Variants in TTC17 observed in about 807,000 individuals in gnomAD.
TTC17 encodes tetratricopeptide repeat domain 17.
TTC17 carries 58 observed loss-of-function variants against 143.8 expected under a neutral mutation model. The ratio of observed to expected loss-of-function variants is 0.40; its 90% confidence interval spans 0.33 to 0.50. TTC17 has a LOEUF of 0.50. Among genes scored for constraint, TTC17 ranks in the 20% least tolerant of loss-of-function variants. The pLI, the probability that TTC17 is intolerant of heterozygous loss-of-function variation, is 0.49. For missense variants in TTC17, 1,273 were observed against 1,392.5 expected, an observed-to-expected ratio of 0.91 and a Z score of 1.37; for synonymous variants, 501 against 497.8, an observed-to-expected ratio of 1.01 and a Z score of -0.09.
rs545413100 is a variant in TTC17 at position 43,410,130 on chromosome 11, G to A, written c.2064+2553G>A. 6.5e-4 allele frequency among the ~76,000 whole-genome samples: 99 copies of A among 152,302 alleles called. 1 individual carries two copies. The highest frequency in any genetic ancestry group is 2.1e-3 in the African/African-American group (89 of 41,552). ...GACCTCCCAAAGTGCTGGGATTACA[G>A]GTGTGAGCCCTTATGCCCAACCTTG... On this transcript the variant is annotated intron_variant, in intron 15 of 23. Transcript: ENST00000039989.
At chr11:43,435,072 TAAGATG>T (rs1947255421) in intron 16 of TTC17, 1 of 145,732 alleles carries the variant, frequency 6.9e-6, no homozygotes, top group South Asian at 2.2e-4. Context: ...TACACACAGA[TAAGATG>T]ATAGATAGAT....
intron 9 of TTC17, among the ~76,000 whole-genome samples, chr11:43,400,326 T>C (rs1438902159): frequency 6.6e-6 from 1 of 151,982 alleles, no homozygotes; most frequent in Non-Finnish European, 1.5e-5. Context: ...TCAACATCAG[T>C]TTTTTTTCCT....
At chr11:43,407,110 T>C in intron 13 of TTC17, 28 bp from the exon 14 acceptor site, 2 of 1,468,568 alleles carry the variant, frequency 1.4e-6, no homozygotes, top group Non-Finnish European at 1.9e-6. Flanking sequence ...TATTTTCAAT[T>C]GAGTCAGTCT....
chr11:43,453,707 C>G (rs923813450), intron 21 of TTC17, among the ~76,000 whole-genome samples: 4 of 152,092 alleles, frequency 2.6e-5, no homozygotes, highest in Non-Finnish European at 5.9e-5. Context: ...AATAATGGCT[C>G]TAAGAGAGGC....
At chr11:43,421,994 G>T (rs763007810) in intron 16 of TTC17, among the ~76,000 whole-genome samples, 2 of 152,194 alleles carry the variant, frequency 1.3e-5, no homozygotes, top group Non-Finnish European at 2.9e-5. Flanking sequence ...GCTCTGTTGA[G>T]AATAGACTAG....
chr11:43,406,067 G>A, intron 13 of TTC17, 116 bp downstream of exon 13: 1 of 1,231,706 alleles, frequency 8.1e-7, no homozygotes, highest in Non-Finnish European at 1.1e-6. Context: ...TGTATAAAAT[G>A]GAAGGATAGA....
intron 2 of TTC17, among the ~76,000 whole-genome samples, chr11:43,382,583 C>T (rs1307287812): frequency 2.0e-5 from 3 of 152,130 alleles, no homozygotes; most frequent in East Asian, 3.8e-4. Context: ...TTTAAGTAGT[C>T]TTGCCAAAAA....
At chr11:43,444,477 T>C (rs1292050503) in intron 18 of TTC17, 2 of 246,316 alleles carry the variant, frequency 8.1e-6, no homozygotes, top group Non-Finnish European at 1.5e-5. Flanking sequence ...GCTCTTTCCA[T>C]GTGGAAAGAA....
intron 17 of TTC17, 105 bp downstream of exon 17, chr11:43,443,689 T>TGTCCTGGAGTGC: frequency 7.1e-7 from 1 of 1,405,776 alleles, no homozygotes; most frequent in Non-Finnish European, 9.6e-7. Context: ...ACTACTTGGC[T>TGTCCTGGAGTGC]ATGCACTCCA....
chr11:43,434,785 C>G (rs1947248121), intron 16 of TTC17, among the ~76,000 whole-genome samples: 2 of 152,114 alleles, frequency 1.3e-5, no homozygotes, highest in Non-Finnish European at 2.9e-5. Flanking sequence ...ACAAAGAATC[C>G]TCAATTTCTG....
intron 10 of TTC17, among the ~76,000 whole-genome samples, chr11:43,403,134 G>A (rs1377327566): frequency 6.6e-6 from 1 of 152,142 alleles, no homozygotes; most frequent in Admixed American, 6.6e-5. Flanking sequence ...TTAAAACCAA[G>A]CATTTTAAAG....
intron 17 of TTC17, among the ~76,000 whole-genome samples, 193 bp from the exon 18 acceptor site, chr11:43,443,863 T>C (rs1401548323): frequency 6.6e-6 from 1 of 152,222 alleles, no homozygotes; most frequent in Non-Finnish European, 1.5e-5. Flanking sequence ...TTCGGTTTCT[T>C]CTATACATTC....
intron 1 of TTC17, among the ~76,000 whole-genome samples, chr11:43,371,050 A>G (rs974265171): frequency 2.6e-5 from 4 of 151,298 alleles, no homozygotes; most frequent in African/African-American, 9.7e-5. Context: ...AACTTATCTC[A>G]GGTGATCTTT....
chr11:43,477,435 C>T (rs748324642), intron 21 of TTC17, among the ~76,000 whole-genome samples: 5 of 152,148 alleles, frequency 3.3e-5, no homozygotes, highest in Non-Finnish European at 5.9e-5. Context: ...AAGACATACC[C>T]AAAACCAGGA....
intron 21 of TTC17, among the ~76,000 whole-genome samples, chr11:43,456,937 T>G (rs1401685164): frequency 1.3e-5 from 2 of 152,038 alleles, no homozygotes; most frequent in Non-Finnish European, 2.9e-5. Flanking sequence ...CTCACACTGC[T>G]TAGGAAATAA....
At chr11:43,468,808 C>T (rs1948032911) in intron 21 of TTC17, among the ~76,000 whole-genome samples, 2 of 152,106 alleles carry the variant, frequency 1.3e-5, no homozygotes. Flanking sequence ...GCCTGTAGTC[C>T]TAGCTACACA....
chr11:43,414,536 A>G, intron 15 of TTC17, 54 bp from the exon 16 acceptor site: 1 of 1,553,124 alleles, frequency 6.4e-7, no homozygotes, highest in Non-Finnish European at 8.7e-7. Context: ...ACGTTTTGTA[A>G]CTCCCAGAAA....
chr11:43,451,985 A>G (rs951877533), intron 21 of TTC17, among the ~76,000 whole-genome samples: 4 of 152,210 alleles, frequency 2.6e-5, no homozygotes, highest in African/African-American at 9.7e-5. Context: ...AAACTAGGGC[A>G]AACACATGAT....
At chr11:43,424,652 C>T (rs1490215065) in intron 16 of TTC17, among the ~76,000 whole-genome samples, 2 of 151,986 alleles carry the variant, frequency 1.3e-5, no homozygotes, top group Non-Finnish European at 2.9e-5. Context: ...TGCCTGTAAT[C>T]CCAGCTACTG....
Sources: allele counts gnomAD v4.1 joint callset (sites outside exome capture counted in the v4.1 genomes callset), GRCh38; gene constraint gnomAD v4.1.1; transcripts MANE v1.5; gene names NCBI Gene and HGNC (gene_info 2026-07-23, HGNC 2026-07-21).